Variants in CTNNA2 observed in about 807,000 individuals in gnomAD.
The protein encoded by CTNNA2 is catenin alpha-2.
In CTNNA2, 42 loss-of-function variants were observed where a neutral mutation model predicts 101.0. The ratio of observed to expected loss-of-function variants is 0.42; its 90% CI spans 0.32 to 0.54. CTNNA2 has a LOEUF of 0.54. CTNNA2 is among the 20% of genes least tolerant of loss of function. The pLI, the probability that CTNNA2 is intolerant of heterozygous loss-of-function variation, is 0.14. For missense variants in CTNNA2, 871 were observed against 1,223.1 expected (o/e 0.71, Z 4.29); for synonymous variants, 450 against 456.4 (o/e 0.99, Z 0.18).
rs1179438447 is a variant in CTNNA2 at position 79,519,215 on chromosome 2, C to T, written c.-6+6008C>T. Among the ~76,000 whole-genome samples, 3 of 110,164 alleles carry T rather than the reference C, an allele frequency of 2.7e-5. No individual in the cohort carries two copies. The East Asian group carries it at 8.4e-4, about 31-fold the overall frequency. The allele number at this position is 110,164 out of a possible 152,430, so 72.3% of individuals were successfully genotyped here. A position where few individuals can be genotyped will look rare whatever the true frequency, so the allele number is the denominator to read the frequency against. ...CTGCACTTCAGCTTGGGCGACAGAA[C>T]AAGACTCCGTCTCAAAAAAAAAAAA... is the stretch of plus-strand genomic sequence containing the variant. On this transcript the variant is annotated intron_variant, in intron 1 of 18. Coordinates refer to ENST00000402739, the MANE Select transcript of CTNNA2 (RefSeq NM_001282597.3).
At chr2:79,497,613 C>T (rs1015442011) in intron 4 of CTNNA2, among the ~76,000 whole-genome samples, 2 of 152,160 alleles carry the variant, frequency 1.3e-5, no homozygotes, top group African/African-American at 2.4e-5. Flanking sequence ...CCCATGTCCA[C>T]TAATTCTTCT....
At chr2:80,636,976 T>G (rs1466639690) in intron 18 of CTNNA2, among the ~76,000 whole-genome samples, 2 of 152,150 alleles carry the variant, frequency 1.3e-5, no homozygotes, top group African/African-American at 4.8e-5. Context: ...ATTCCCCTCA[T>G]GAACTTCTCC....
intron 7 of CTNNA2, among the ~76,000 whole-genome samples, chr2:80,275,399 T>A (rs1287934721): frequency 6.6e-6 from 1 of 152,242 alleles, no homozygotes; most frequent in Non-Finnish European, 1.5e-5. Flanking sequence ...TTTGATTTAA[T>A]TAAATGGCTT....
intron 4 of CTNNA2, among the ~76,000 whole-genome samples, chr2:79,499,574 C>T (rs79569182): frequency 0.023 from 3,498 of 152,232 alleles, 101 homozygotes; most frequent in East Asian, 0.09. Context: ...TTTAGAGCTC[C>T]CCTCTAGATT....
chr2:79,693,649 G>A (rs180840445), intron 2 of CTNNA2, among the ~76,000 whole-genome samples: 187 of 151,998 alleles, frequency 1.2e-3, no homozygotes, highest in African/African-American at 4.3e-3. Flanking sequence ...CTGTCAGGAG[G>A]ACCTCAGGCA....
At chr2:79,782,920 T>C (rs1328753528) in intron 3 of CTNNA2, among the ~76,000 whole-genome samples, 3 of 151,998 alleles carry the variant, frequency 2.0e-5, no homozygotes, top group African/African-American at 4.8e-5. Context: ...GTCCATGTCA[T>C]CTCTTTCATA....
chr2:80,510,717 A>G (rs1688640297), intron 9 of CTNNA2, among the ~76,000 whole-genome samples: 1 of 152,220 alleles, frequency 6.6e-6, no homozygotes, highest in East Asian at 1.9e-4. Context: ...AAACCTGAAA[A>G]GGTATAACTT....
intron 4 of CTNNA2, among the ~76,000 whole-genome samples, chr2:79,436,904 T>C (rs1678722769): frequency 6.6e-6 from 1 of 151,882 alleles, no homozygotes; most frequent in South Asian, 2.1e-4. Flanking sequence ...GTGCTGGGAT[T>C]ACAGGCGTGA....
intron 1 of CTNNA2, among the ~76,000 whole-genome samples, chr2:79,555,195 C>T: frequency 6.6e-6 from 1 of 152,136 alleles, no homozygotes; most frequent in Admixed American, 6.6e-5. Flanking sequence ...ACTGTTCTAT[C>T]ACTTTTCTCT....
intron 7 of CTNNA2, among the ~76,000 whole-genome samples, chr2:80,101,019 A>T (rs573192387): frequency 2.0e-5 from 3 of 152,232 alleles, no homozygotes; most frequent in South Asian, 4.1e-4. Flanking sequence ...TACTCTTCTG[A>T]TGTGTTTATG....
chr2:79,619,041 C>A lies in CTNNA2; in HGVS notation c.-5-32511C>A, dbSNP rs151092382. Among the ~76,000 whole-genome samples, 19 of 152,052 alleles carry A rather than the reference C, an allele frequency of 1.2e-4. No homozygotes were observed. In the East Asian group the frequency reaches 3.7e-3, roughly 30 times the overall value. ...GCCAATATGGTGAAACCCAGTCTCTCCAAAAAATACGAAAATTAGCTGGGC... is the reference window on the plus strand; with the variant it reads ...GCCAATATGGTGAAACCCAGTCTCTACAAAAAATACGAAAATTAGCTGGGC... On this transcript the variant is annotated intron_variant, in intron 1 of 18. Transcript: ENST00000402739.
Position 80,410,792 on chromosome 2 carries a change from G to T in CTNNA2, c.1138-8657G>T, listed in dbSNP as rs1270544988. Among the ~76,000 whole-genome samples, 44 of 152,198 alleles carry T rather than the reference G, an allele frequency of 2.9e-4. 1 individual carries two copies. The highest frequency in any genetic ancestry group is 2.9e-3 in the Admixed American group (44 of 15,278). ...TATTTATGAGTTTCTGCACTTGTTA[G>T]CTGATACCAAGTTCAAGATGTCCCT... On this transcript the variant is annotated intron_variant, in intron 8 of 18. Coordinates refer to ENST00000402739, the MANE Select transcript of CTNNA2 (RefSeq NM_001282597.3).
chr2:79,366,783 G>C (rs918040530), intron 3 of CTNNA2, among the ~76,000 whole-genome samples: 3 of 152,192 alleles, frequency 2.0e-5, no homozygotes, highest in Non-Finnish European at 4.4e-5. Flanking sequence ...ATCCATTCCT[G>C]TGAGGGAAGA....
chr2:79,959,888 C>T (rs1368444250), intron 7 of CTNNA2, among the ~76,000 whole-genome samples: 3 of 152,236 alleles, frequency 2.0e-5, no homozygotes, highest in Middle Eastern at 3.4e-3. Context: ...AAGCTCTGTT[C>T]TTAATAAATA....
At chr2:79,306,045 C>CAAAAAAAAA (rs60219150) in intron 2 of CTNNA2, among the ~76,000 whole-genome samples, 1 of 80,132 alleles carries the variant, frequency 1.2e-5, no homozygotes, top group East Asian at 3.9e-4. Context: ...GACACCATTT[C>CAAAAAAAAA]AAAAAAAAAA....
chr2:80,569,762 C>T (rs1573307862), intron 12 of CTNNA2, among the ~76,000 whole-genome samples: 1 of 148,942 alleles, frequency 6.7e-6, no homozygotes, highest in Non-Finnish European at 1.5e-5. Context: ...CCTGCCTCAG[C>T]CTCCCAAGTA....
chr2:80,584,990 C>T (rs1036700443), intron 14 of CTNNA2, among the ~76,000 whole-genome samples: 4 of 150,508 alleles, frequency 2.7e-5, no homozygotes, highest in African/African-American at 1.0e-4. Flanking sequence ...AAAGGACCCA[C>T]TCCTTAACTA....
upstream of CTNNA2, among the ~76,000 whole-genome samples, chr2:79,510,415 T>A (rs931948380): frequency 6.6e-6 from 1 of 152,212 alleles, no homozygotes; most frequent in African/African-American, 2.4e-5. Context: ...CATTTTAGCA[T>A]CTAATAATAG....
At chr2:79,604,775 G>GT (rs1677776895) in intron 1 of CTNNA2, among the ~76,000 whole-genome samples, 1 of 152,176 alleles carries the variant, frequency 6.6e-6, no homozygotes, top group African/African-American at 2.4e-5. Flanking sequence ...GATAGGATGA[G>GT]ACTCTTACCT....
Sources: allele counts gnomAD v4.1 joint callset (sites outside exome capture counted in the v4.1 genomes callset), GRCh38; gene constraint gnomAD v4.1.1; transcripts MANE v1.5; gene names NCBI Gene and HGNC (gene_info 2026-07-23, HGNC 2026-07-21).